Variants in ASIC2 observed in about 807,000 individuals in gnomAD.
ASIC2 encodes the protein acid sensing ion channel subunit 2.
Under a neutral mutation model 57.3 loss-of-function variants are expected in ASIC2, and 25 were observed. The observed-to-expected ratio is 0.44, with a 90% CI of 0.32 to 0.61. The LOEUF (loss-of-function observed/expected upper bound fraction) is 0.61. ASIC2 is among the 20% of genes least tolerant of loss of function. ASIC2 has a pLI of 0.06. For missense variants in ASIC2, 641 were observed against 738.1 expected, an observed-to-expected ratio of 0.87 and a Z score of 1.52; for synonymous variants, 319 against 307.5, an observed-to-expected ratio of 1.04 and a Z score of -0.39.
intron 1 of ASIC2, chr17:33,955,517 G>A (rs55705186): frequency 0.098 from 14,932 of 152,192 alleles, 916 homozygotes; most frequent in Middle Eastern, 0.16. Flanking sequence ...ATCTTGGCAG[G>A]GGTAGTTCCT....
chr17:34,042,487 T>G (rs1567798443), intron 1 of ASIC2, among the ~76,000 whole-genome samples: 1 of 152,092 alleles, frequency 6.6e-6, no homozygotes, highest in Non-Finnish European at 1.5e-5. Context: ...CCACATAATA[T>G]TCTAGAAAAT....
rs113217402 is a variant in ASIC2 at position 33,405,411 on chromosome 17, G to A, written c.556-293344C>T. Among the ~76,000 whole-genome samples, 392 of 151,936 alleles carry A rather than the reference G, an allele frequency of 2.6e-3. 2 individuals carry two copies. The highest frequency in any genetic ancestry group is 9.1e-3 in the African/African-American group (377 of 41,432). ...GGCATTTGTGACCTCACTAACTGGA[G>A]AGAGATCACCCCTCCCAGGACTAGC... On this transcript the variant is annotated intron_variant, in intron 1 of 9. Coordinates refer to the ASIC2 transcript ENST00000359872.
intron 1 of ASIC2, among the ~76,000 whole-genome samples, chr17:34,066,863 C>A (rs35241588): frequency 0.48 from 72,595 of 152,036 alleles, 20,492 homozygotes; most frequent in Middle Eastern, 0.64. Context: ...CAAGACCACC[C>A]AGGAAACAAC....
Position 33,078,062 on chromosome 17 carries a change from C to T in ASIC2, c.987+10801G>A, listed in dbSNP as rs571907124. On this transcript the variant is annotated intron_variant, in intron 3 of 9. Transcript: ENST00000225823. ...GAACTGCCCATGAATCAAAAGATAA[C>T]GTGACACTGGGCAGCAGGACCAACC... is the stretch of plus-strand genomic sequence containing the variant. Among the ~76,000 whole-genome samples the T allele has an allele frequency of 3.9e-5, 6 of 152,220 alleles. No homozygotes were observed. In the South Asian group the frequency reaches 1.0e-3, roughly 26 times the overall value.
At chr17:34,040,008 C>A (rs959475350) in intron 1 of ASIC2, 85 of 564,482 alleles carry the variant, frequency 1.5e-4, no homozygotes, top group African/African-American at 1.3e-3. Context: ...GCGCCGCAAC[C>A]CCCCGCCCGG....
chr17:34,074,979 T>C lies in ASIC2; in HGVS notation c.555+80999A>G, dbSNP rs149947722. 2.4e-3 allele frequency among the ~76,000 whole-genome samples: 358 copies of C among 152,170 alleles called. 2 individuals carry two copies. Among genetic ancestry groups the C allele is most frequent in the African/African-American group, 8.0e-3 (333 of 41,516 alleles). On this transcript the variant is annotated intron_variant, in intron 1 of 9. Coordinates refer to the ASIC2 transcript ENST00000359872. ...TTTTGTATTTTAGTAGAGACAGGGT[T>C]TCACCATGTTGGCCAAGCTGGTCTT... is the stretch of plus-strand genomic sequence containing the variant.
chr17:33,650,798 G>C (rs1906893817), intron 1 of ASIC2, among the ~76,000 whole-genome samples: 1 of 152,182 alleles, frequency 6.6e-6, no homozygotes, highest in South Asian at 2.1e-4. Flanking sequence ...AAGCAGAACA[G>C]ATTAGTGGCT....
chr17:33,837,627 T>C (rs771341364), intron 1 of ASIC2, among the ~76,000 whole-genome samples: 6 of 152,250 alleles, frequency 3.9e-5, no homozygotes, highest in Non-Finnish European at 8.8e-5. Flanking sequence ...TTTATGCTTA[T>C]CTGGAGTGTG....
chr17:33,248,323 C>T (rs1316646148), intron 1 of ASIC2, among the ~76,000 whole-genome samples: 1 of 152,174 alleles, frequency 6.6e-6, no homozygotes, highest in Non-Finnish European at 1.5e-5. Context: ...TGAAATAGAT[C>T]AGGGTAGTAA....
chr17:34,102,946 G>A (rs547729104), intron 1 of ASIC2, among the ~76,000 whole-genome samples: 1 of 152,258 alleles, frequency 6.6e-6, no homozygotes, highest in East Asian at 1.9e-4. Context: ...AACCATTGTT[G>A]TGAGCTGATA....
chr17:33,913,010 T>C lies in ASIC2; in HGVS notation c.555+242968A>G, dbSNP rs114297512. On this transcript the variant is annotated intron_variant, in intron 1 of 9. Coordinates refer to the ASIC2 transcript ENST00000359872. ...TGATAATAATAATAAATTAAATAAA[T>C]AAATAAATAAAAATTAAATTCTAAT... Among the ~76,000 whole-genome samples, 1,363 of 151,986 alleles carry C rather than the reference T, an allele frequency of 9.0e-3. 23 individuals carry two copies. Among genetic ancestry groups the C allele is most frequent in the African/African-American group, 0.03 (1,239 of 41,488 alleles).
At chr17:33,498,689 C>A (rs1029763956) in intron 1 of ASIC2, among the ~76,000 whole-genome samples, 4 of 152,166 alleles carry the variant, frequency 2.6e-5, no homozygotes, top group African/African-American at 9.7e-5. Context: ...AGGCACAGAG[C>A]CTTTCTCCGG....
intron 1 of ASIC2, among the ~76,000 whole-genome samples, chr17:33,684,648 G>A (rs751135752): frequency 2.6e-5 from 4 of 152,138 alleles, no homozygotes; most frequent in Non-Finnish European, 5.9e-5. Flanking sequence ...TATAATAAAT[G>A]TATGATTGCC....
chr17:33,652,140 G>T (rs1597822299), intron 1 of ASIC2, among the ~76,000 whole-genome samples: 1 of 152,318 alleles, frequency 6.6e-6, no homozygotes, highest in South Asian at 2.1e-4. Flanking sequence ...TATTGGGGCT[G>T]ATATTTAGGT....
chr17:33,506,606 A>G (rs1914271749), intron 1 of ASIC2, among the ~76,000 whole-genome samples: 1 of 152,172 alleles, frequency 6.6e-6, no homozygotes. Flanking sequence ...CATGCACACA[A>G]TCTGTAGTGT....
At chr17:33,615,279 G>A (rs1905562680) in intron 1 of ASIC2, among the ~76,000 whole-genome samples, 1 of 152,168 alleles carries the variant, frequency 6.6e-6, no homozygotes. Flanking sequence ...GTGATAACTT[G>A]TATAGGCAGT....
rs184813091 is a variant in ASIC2 at position 33,985,548 on chromosome 17, C to T, written c.555+170430G>A. Among the ~76,000 whole-genome samples the T allele has an allele frequency of 2.2e-3, 337 of 152,230 alleles. 1 individual carries two copies. The highest frequency in any genetic ancestry group is 7.6e-3 in the African/African-American group (314 of 41,530). On this transcript the variant is annotated intron_variant, in intron 1 of 9. Coordinates refer to the ASIC2 transcript ENST00000359872. The stretch of plus-strand genomic sequence containing the variant: ...GGTCTTCAAGGGAAAAGAAAAGATT[C>T]CAGAGGCAAAATGTTTGGGACAGAC...
chr17:33,968,860 T>A (rs1054201899), intron 1 of ASIC2, among the ~76,000 whole-genome samples: 1 of 152,232 alleles, frequency 6.6e-6, no homozygotes, highest in African/African-American at 2.4e-5. Context: ...GGAGCTGGCC[T>A]GCCCCACAGG....
At chr17:33,248,310 T>C (rs1280341254) in intron 1 of ASIC2, among the ~76,000 whole-genome samples, 1 of 152,198 alleles carries the variant, frequency 6.6e-6, no homozygotes. Context: ...GAGTACGTGA[T>C]AGTGAAATAG....
Sources: gnomAD v4.1 joint callset for allele counts (sites outside exome capture counted in the v4.1 genomes callset) on GRCh38, gnomAD v4.1.1 for gene constraint, MANE v1.5 for transcripts, NCBI Gene and HGNC (gene_info 2026-07-23, HGNC 2026-07-21) for gene names.